WDR64: variants seen among roughly 807,000 people sequenced by gnomAD.
WDR64 encodes WD repeat-containing protein 64.
A neutral mutation model predicts 139.3 loss-of-function variants in WDR64; 112 were observed. The observed-to-expected ratio is 0.80, with a 90% CI of 0.69 to 0.94. WDR64 has a LOEUF of 0.94. Ranked by LOEUF, WDR64 falls within the 40% of genes least tolerant of loss-of-function variation. WDR64 has a pLI of 0.00. For synonymous variants in WDR64, 444 were observed against 437.7 expected, an observed-to-expected ratio of 1.01 and a Z score of -0.18; for missense variants, 1,206 against 1,293.1, an observed-to-expected ratio of 0.93 and a Z score of 1.03.
chr1:241,777,383 G>A (rs1658691002), intron 21 of WDR64, among the ~76,000 whole-genome samples: 1 of 151,300 alleles, frequency 6.6e-6, no homozygotes, highest in Non-Finnish European at 1.5e-5. Context: ...TGCTCTCGCT[G>A]CATACCACAA....
chr1:241,775,128 A>G lies in WDR64; in HGVS notation c.2454A>G (p.Leu818=). The change falls in exon 21 of 28, where the codon CTA becomes CTG. Residue 818 remains leucine, a synonymous_variant. Transcript: ENST00000437684. ...TLEGRLLKDM[L]PFTKHSAISL... Reference sequence around the variant, plus strand: ...AGGGAAGACTACTGAAAGATATGCTACCTTTCACAAAACATTCTGCCATTT... The same window carrying G: ...AGGGAAGACTACTGAAAGATATGCTGCCTTTCACAAAACATTCTGCCATTT... The G allele has an allele frequency of 6.4e-7, 1 of 1,551,074 alleles. No homozygotes were observed. The highest frequency in any genetic ancestry group is 8.7e-7 in the Non-Finnish European group (1 of 1,146,866).
At chr1:241,769,296 T>G (rs948742617) in intron 16 of WDR64, 108 bp from the exon 17 acceptor site, 5 of 811,718 alleles carry the variant, frequency 6.2e-6, no homozygotes, top group Non-Finnish European at 9.6e-6. Flanking sequence ...TGTTCAATAA[T>G]ATTAGCATTT....
At chr1:241,686,753 T>C (rs139136232) in intron 7 of WDR64, among the ~76,000 whole-genome samples, 31 of 152,304 alleles carry the variant, frequency 2.0e-4, no homozygotes, top group African/African-American at 7.5e-4. Flanking sequence ...AGATTTTACA[T>C]TGCCCAGTAC....
intron 10 of WDR64, among the ~76,000 whole-genome samples, chr1:241,732,656 C>T (rs1669128782): frequency 6.6e-6 from 1 of 151,908 alleles, no homozygotes; most frequent in African/African-American, 2.4e-5. Flanking sequence ...CCCGTCTCTA[C>T]TAAAAATACA....
rs1376970386 is a variant in WDR64, at chr1:241,703,458, A to C, written c.975-8344A>C. On this transcript the variant is annotated intron_variant, in intron 8 of 27. Coordinates refer to ENST00000437684, the MANE Select transcript of WDR64 (RefSeq NM_001367482.1). The surrounding 1 kb of genome is among the most constrained non-coding windows in gnomAD (Gnocchi z 5.9). ...ACTTTTGATAGGGGACTCTATCAAA[A>C]AGTTTTTTTTTTTTTTCTGTTTTGA... 2.1e-5 allele frequency among the ~76,000 whole-genome samples: 3 copies of C among 141,938 alleles called. No individual in the cohort carries two copies. The highest frequency in any genetic ancestry group is 2.3e-4 in the South Asian group (1 of 4,404). 93.1% of individuals were successfully genotyped at this position (141,938 alleles called of 152,430 possible). A position where few individuals can be genotyped will look rare whatever the true frequency, so the allele number is the denominator to read the frequency against.
At chr1:241,742,008 G>A (rs1669566017) in intron 12 of WDR64, among the ~76,000 whole-genome samples, 1 of 152,104 alleles carries the variant, frequency 6.6e-6, no homozygotes, top group African/African-American at 2.4e-5. Flanking sequence ...GAAGGAAGGG[G>A]AATAAATTTA....
chr1:241,790,212 G>A (rs569291180), intron 24 of WDR64, among the ~76,000 whole-genome samples: 45 of 152,188 alleles, frequency 3.0e-4, no homozygotes, highest in South Asian at 1.7e-3. Flanking sequence ...TTAGCCGGGC[G>A]TGGTGACGTG....
chr1:241,771,629 G>T, intron 18 of WDR64, 32 bp from the exon 19 acceptor site: 1 of 1,459,320 alleles, frequency 6.9e-7, no homozygotes, highest in South Asian at 1.5e-5. Flanking sequence ...CAATGTCATG[G>T]AAGTCTTTTC....
chr1:241,801,063 C>T (rs1227789500), intron 27 of WDR64, 69 bp from the exon 28 acceptor site: 5 of 1,329,764 alleles, frequency 3.8e-6, no homozygotes, highest in Admixed American at 1.7e-5. Context: ...AGCAATACAC[C>T]TTGACTCTGG....
chr1:241,794,594 C>T (rs747504034), intron 25 of WDR64, among the ~76,000 whole-genome samples: 3 of 149,578 alleles, frequency 2.0e-5, no homozygotes, highest in Non-Finnish European at 4.4e-5. Context: ...TTGCAACCTC[C>T]GCCTCCTAGG....
chr1:241,796,223 G>C, intron 26 of WDR64, 34 bp from the exon 27 acceptor site: 1 of 1,502,904 alleles, frequency 6.7e-7, no homozygotes, highest in Non-Finnish European at 9.2e-7. Flanking sequence ...TAATCACTTT[G>C]AGTGTGTCTC....
chr1:241,790,548 A>G (rs761993381), intron 24 of WDR64, 43 bp from the exon 25 acceptor site: 4 of 1,498,784 alleles, frequency 2.7e-6, no homozygotes, highest in Non-Finnish European at 3.6e-6. Context: ...GGCAGAGAAT[A>G]AAAGGTATGG....
At chr1:241,771,937 CATACATACATATATAT>C (rs1472741644) in intron 19 of WDR64, among the ~76,000 whole-genome samples, 919 of 56,502 alleles carry the variant, frequency 0.016, 18 homozygotes, top group African/African-American at 0.052. Context: ...CATATACATA[CATACATACATATATAT>C]ATATATATAT....
At chr1:241,751,741 T>C (rs1244710748) in intron 14 of WDR64, among the ~76,000 whole-genome samples, 2 of 152,212 alleles carry the variant, frequency 1.3e-5, no homozygotes, top group Admixed American at 6.5e-5. Flanking sequence ...ATCACTGTGC[T>C]GAATATTCTG....
chr1:241,745,330 TG>T, intron 13 of WDR64, among the ~76,000 whole-genome samples: 1 of 151,384 alleles, frequency 6.6e-6, no homozygotes. Context: ...GCTGAGTTGA[TG>T]GGGTATGAAT....
At chr1:241,751,022 C>T (rs7516352) in intron 14 of WDR64, among the ~76,000 whole-genome samples, 11,112 of 151,888 alleles carry the variant, frequency 0.073, 1,380 homozygotes, top group African/African-American at 0.25. Context: ...ATTATATCTG[C>T]CTATTTGAAA....
chr1:241,677,240 C>T (rs1666590711), intron 4 of WDR64: 1 of 397,540 alleles, frequency 2.5e-6, no homozygotes, highest in South Asian at 1.4e-4. Context: ...CAGGTGACTT[C>T]CATTAAAGAT....
intron 16 of WDR64, among the ~76,000 whole-genome samples, chr1:241,768,493 T>C (rs1302026450): frequency 6.6e-6 from 1 of 152,198 alleles, no homozygotes; most frequent in East Asian, 1.9e-4. Context: ...AGCCCAGACT[T>C]AATATTATTC....
intron 8 of WDR64, among the ~76,000 whole-genome samples, chr1:241,694,665 T>C (rs1279507972): frequency 1.3e-5 from 2 of 152,176 alleles, no homozygotes; most frequent in Non-Finnish European, 2.9e-5. Context: ...GATATGCCCT[T>C]GTAGTCCTAC....
Sources: gnomAD v4.1 joint callset for allele counts (sites outside exome capture counted in the v4.1 genomes callset) on GRCh38, gnomAD v4.1.1 for gene constraint, Gnocchi (gnomAD v3.1) non-coding constraint, MANE v1.5 for transcripts, NCBI Gene and HGNC (gene_info 2026-07-23, HGNC 2026-07-21) for gene names.